CBFA2T3: variants seen among roughly 807,000 people sequenced by gnomAD.
The protein encoded by CBFA2T3 is transcriptional corepressor CBFA2T3.
A neutral mutation model predicts 58.6 loss-of-function variants in CBFA2T3; 31 were observed. That is an observed-to-expected ratio of 0.53 (90% confidence interval 0.40 to 0.71). The LOEUF is 0.71. Among genes scored for constraint, CBFA2T3 ranks in the 30% least tolerant of loss-of-function variants. The pLI, the probability that CBFA2T3 is intolerant of heterozygous loss-of-function variation, is 0.00. For synonymous variants in CBFA2T3, 531 were observed against 421.9 expected (o/e 1.26, Z -3.17); for missense variants, 1,076 against 963.1 (o/e 1.12, Z -1.55).
intron 1 of CBFA2T3, among the ~76,000 whole-genome samples, chr16:88,961,953 T>C (rs1357465430): frequency 2.0e-5 from 3 of 149,266 alleles, no homozygotes; most frequent in African/African-American, 7.4e-5. Flanking sequence ...CACTCAGCGC[T>C]GGGCATTCCC....
Position 88,958,985 on chromosome 16 carries a change from C to T in CBFA2T3, c.151+17672G>A, listed in dbSNP as rs1459369644. On this transcript the variant is annotated intron_variant, in intron 1 of 11. Coordinates refer to ENST00000268679, the MANE Select transcript of CBFA2T3 (RefSeq NM_005187.6). The surrounding 1 kb of genome is among the most constrained non-coding windows in gnomAD (Gnocchi z 4.0). ...CGACCCCTGGCAACCCTGTCAGCTG[C>T]TCATTCACCTAATAGACAAGTGCTG... Among the ~76,000 whole-genome samples the T allele has an allele frequency of 2.0e-5, 3 of 152,182 alleles. No homozygotes were observed. Among genetic ancestry groups the T allele is most frequent in the Non-Finnish European group, 4.4e-5 (3 of 68,028 alleles).
At chr16:88,920,321 G>C (rs1970870354) in intron 1 of CBFA2T3, among the ~76,000 whole-genome samples, 1 of 152,220 alleles carries the variant, frequency 6.6e-6, no homozygotes, top group Non-Finnish European at 1.5e-5. Context: ...CTGTCACCCA[G>C]GCTGAAGTGC....
intron 3 of CBFA2T3, 49 bp downstream of exon 3, chr16:88,898,029 T>C (rs1333958077): frequency 7.4e-7 from 1 of 1,360,316 alleles, no homozygotes; most frequent in Admixed American, 1.7e-5. Context: ...CTGAGGATGC[T>C]GCGGTGAAGA....
intron 1 of CBFA2T3, among the ~76,000 whole-genome samples, chr16:88,914,495 A>G (rs1003876768): frequency 2.6e-5 from 4 of 152,254 alleles, no homozygotes; most frequent in African/African-American, 9.6e-5. Flanking sequence ...TATTTTGGAA[A>G]TAAAAACACG....
In CBFA2T3 at chr16:88,937,809, T is replaced by C. The variant is rs547857843; in HGVS notation, c.152-36153A>G. On this transcript the variant is annotated intron_variant, in intron 1 of 11. Transcript: ENST00000268679. Reference sequence around the variant, plus strand: ...AGCACTGGAGGACAGGCACTTTTTGTCCTGTAAGTGAAGTGGTGGCAAAGC... The same window carrying C: ...AGCACTGGAGGACAGGCACTTTTTGCCCTGTAAGTGAAGTGGTGGCAAAGC... The C allele has an allele frequency of 2.0e-5, 3 of 152,396 alleles. No individual in the cohort carries two copies. In the East Asian group the frequency reaches 5.8e-4, roughly 29 times the overall value. 9.4% of individuals were successfully genotyped at this position (152,396 alleles called of 1,614,324 possible).
In CBFA2T3 at chr16:88,903,569, C is replaced by T. The variant is rs529735009; in HGVS notation, c.152-1913G>A. Reference sequence around the variant, plus strand: ...CCACAGCTGTGGGGGCCATCAACACCGCCTGGCTGCAGGGCCGGTGGCCAG... The same window carrying T: ...CCACAGCTGTGGGGGCCATCAACACTGCCTGGCTGCAGGGCCGGTGGCCAG... On this transcript the variant is annotated intron_variant, in intron 1 of 11. Coordinates refer to ENST00000268679, the MANE Select transcript of CBFA2T3 (RefSeq NM_005187.6). 6.6e-5 allele frequency among the ~76,000 whole-genome samples: 10 copies of T among 152,124 alleles called. No individual in the cohort carries two copies. In the East Asian group the frequency reaches 9.7e-4, roughly 15 times the overall value.
chr16:88,882,592 ATGGCTGTGTGTGCG>A (rs1016249738), intron 8 of CBFA2T3, 70 bp downstream of exon 8: 10 of 701,786 alleles, frequency 1.4e-5, no homozygotes, highest in African/African-American at 6.3e-5. Context: ...CTGTGTGTGC[ATGGCTGTGTGTGCG>A]TGGCTGTGTG....
intron 3 of CBFA2T3, among the ~76,000 whole-genome samples, chr16:88,893,838 T>C (rs1969752557): frequency 6.6e-6 from 1 of 152,286 alleles, no homozygotes; most frequent in Middle Eastern, 3.4e-3. Context: ...GCACCCCTCC[T>C]GCGCCTGGGA....
At chr16:88,931,650 G>A (rs901243427) in intron 1 of CBFA2T3, among the ~76,000 whole-genome samples, 1 of 150,514 alleles carries the variant, frequency 6.6e-6, no homozygotes, top group Non-Finnish European at 1.5e-5. Flanking sequence ...GAGAAGGGCC[G>A]TGGGCTGGCC....
chr16:88,892,544 G>T (rs1309955566), intron 3 of CBFA2T3, 59 bp from the exon 4 acceptor site: 1 of 1,593,584 alleles, frequency 6.3e-7, no homozygotes, highest in African/African-American at 1.3e-5. Context: ...CAACCCAGAC[G>T]GCGGCGACAG....
At chr16:88,897,866 C>A (rs1250631296) in intron 3 of CBFA2T3, among the ~76,000 whole-genome samples, 1 of 152,210 alleles carries the variant, frequency 6.6e-6, no homozygotes, top group African/African-American at 2.4e-5. Context: ...CAGCTTGGAG[C>A]GGAGGGTCTG....
In CBFA2T3 at chr16:88,973,113, T is replaced by C. The variant is rs544957715; in HGVS notation, c.151+3544A>G. 4.6e-5 allele frequency among the ~76,000 whole-genome samples: 7 copies of C among 152,302 alleles called. 1 individual carries two copies. In the South Asian group the frequency reaches 1.4e-3, roughly 32 times the overall value. On this transcript the variant is annotated intron_variant, in intron 1 of 11. Coordinates refer to ENST00000268679, the MANE Select transcript of CBFA2T3 (RefSeq NM_005187.6). ...CGGGCTGAGACCGCCCGGCTGCTCA[T>C]GTCCACTCCCCCTCCCACCGCGCCC...
At chr16:88,892,803 G>T (rs1422934132) in intron 3 of CBFA2T3, among the ~76,000 whole-genome samples, 1 of 152,328 alleles carries the variant, frequency 6.6e-6, no homozygotes, top group East Asian at 1.9e-4. Context: ...ATGGGTAAGG[G>T]CTGGGATGGC....
rs762536782 is a variant in CBFA2T3, at chr16:88,976,773, C to T, written c.35G>A (p.Ser12Asn). ...PASRLRDRAA[S>N]SASGSTCGSM... ...GCCACAGGTGGATCCCGAGGCTGAA[C>T]TGGCTGCCCTGTCCCTCAGTCTTGA... Residue 12 changes from serine to asparagine, a missense_variant, in exon 1 of 12, where the codon AGT (serine) becomes AAT (asparagine). Physicochemically the swap from Ser to Asn is conservative, Grantham distance 46. Transcript: ENST00000268679. 1.3e-6 allele frequency: 2 copies of T among 1,556,204 alleles called. No homozygotes were observed. The highest frequency in any genetic ancestry group is 3.9e-5 in the Admixed American group (2 of 51,460).
At chr16:88,973,522 AC>A (rs1463833950) in intron 1 of CBFA2T3, among the ~76,000 whole-genome samples, 2 of 152,122 alleles carry the variant, frequency 1.3e-5, no homozygotes, top group African/African-American at 4.8e-5. Context: ...AGATAGAAAC[AC>A]CCGGGGAGGG....
intron 1 of CBFA2T3, among the ~76,000 whole-genome samples, chr16:88,950,074 C>T (rs1972013451): frequency 6.6e-6 from 1 of 152,150 alleles, no homozygotes; most frequent in African/African-American, 2.4e-5. Context: ...TTCCCTGCTT[C>T]TCTTCCTCAT....
chr16:88,932,156 G>GCCCCTCACACGGCCCCCGCTTC (rs1971330381), intron 1 of CBFA2T3, among the ~76,000 whole-genome samples: 3 of 144,698 alleles, frequency 2.1e-5, no homozygotes, highest in African/African-American at 8.2e-5. Context: ...CTGCCAGGTG[G>GCCCCTCACACGGCCCCCGCTTC]CCCCTCACAC....
At chr16:88,923,642 G>A (rs532516725) in intron 1 of CBFA2T3, among the ~76,000 whole-genome samples, 89 of 152,370 alleles carry the variant, frequency 5.8e-4, no homozygotes, top group African/African-American at 1.9e-3. Context: ...CTGGCGCGCA[G>A]CACAGCTCGG....
Position 88,888,388 on chromosome 16 carries a change from G to A in CBFA2T3, c.712-2246C>T, listed in dbSNP as rs376511844. Among the ~76,000 whole-genome samples, 9 of 134,988 alleles carry A rather than the reference G, an allele frequency of 6.7e-5. 1 individual carries two copies. Among genetic ancestry groups the A allele is most frequent in the Admixed American group, 3.0e-4 (4 of 13,234 alleles). The allele number at this position is 134,988 out of a possible 152,430, so 88.6% of individuals were successfully genotyped here. ...GACTGGCTGGGGGTCACTCCCACTC[G>A]GCACCTCCTGTCTGGCCTGGGAAGG... On this transcript the variant is annotated intron_variant, in intron 5 of 11. Coordinates refer to ENST00000268679, the MANE Select transcript of CBFA2T3 (RefSeq NM_005187.6).
Sources: gnomAD v4.1 joint callset for allele counts (sites outside exome capture counted in the v4.1 genomes callset) on GRCh38, gnomAD v4.1.1 for gene constraint, Gnocchi (gnomAD v3.1) non-coding constraint, MANE v1.5 for transcripts, NCBI Gene and HGNC (gene_info 2026-07-23, HGNC 2026-07-21) for gene names.